The following RPS6KC1 variants were observed in gnomAD, a reference collection of about 807,000 sequenced individuals.
RPS6KC1 encodes ribosomal protein S6 kinase C1.
A neutral mutation model predicts 103.8 loss-of-function variants in RPS6KC1; 54 were observed. That is an observed-to-expected ratio of 0.52 (90% CI 0.42 to 0.65). RPS6KC1 has a LOEUF of 0.65. RPS6KC1 is among the 30% of genes least tolerant of loss of function. RPS6KC1 has a pLI of 0.00. For missense variants in RPS6KC1, 1,151 were observed against 1,253.8 expected (o/e 0.92, Z 1.24); for synonymous variants, 439 against 438.7 (o/e 1.00, Z -0.01).
At chr1:213,673,084 C>G in the RPS6KC1 span, among the ~76,000 whole-genome samples, 1 of 152,172 alleles carries the variant, frequency 6.6e-6, no homozygotes, top group Admixed American at 6.5e-5. Context: ...AGACCTGAAG[C>G]TACTAAGACC....
the RPS6KC1 span, among the ~76,000 whole-genome samples, chr1:213,400,648 TCC>T: frequency 1.3e-5 from 2 of 151,968 alleles, no homozygotes; most frequent in African/African-American, 4.8e-5. Flanking sequence ...GACACCAAGT[TCC>T]CTGTTGTTCT....
At chr1:213,661,139 CT>C in the RPS6KC1 span, among the ~76,000 whole-genome samples, 4,328 of 152,264 alleles carry the variant, frequency 0.028, 103 homozygotes, top group African/African-American at 0.066. Flanking sequence ...AAGCTGCCCC[CT>C]TTTTTTCTAC....
intron 12 of RPS6KC1, among the ~76,000 whole-genome samples, chr1:213,246,466 G>C (rs2094456013): frequency 6.6e-6 from 1 of 152,032 alleles, no homozygotes; most frequent in Admixed American, 6.6e-5. Flanking sequence ...AGGGATTAGA[G>C]AATAAAAACT....
chr1:213,727,314 C>G, the RPS6KC1 span, among the ~76,000 whole-genome samples: 1 of 152,130 alleles, frequency 6.6e-6, no homozygotes, highest in Non-Finnish European at 1.5e-5. Context: ...TGTGCAAATA[C>G]TAAGAAAGTG....
the RPS6KC1 span, among the ~76,000 whole-genome samples, chr1:213,488,926 G>C: frequency 5.3e-5 from 8 of 152,204 alleles, no homozygotes; most frequent in African/African-American, 1.9e-4. Context: ...ATCTTTTGGT[G>C]ATTCATATAA....
chr1:213,436,000 A>G, the RPS6KC1 span, among the ~76,000 whole-genome samples: 1 of 152,156 alleles, frequency 6.6e-6, no homozygotes, highest in African/African-American at 2.4e-5. Context: ...CATTATGCTG[A>G]AGCAGTTGTA....
intron 7 of RPS6KC1, among the ~76,000 whole-genome samples, chr1:213,169,375 T>C (rs534309320): frequency 1.3e-5 from 2 of 152,328 alleles, no homozygotes; most frequent in East Asian, 3.9e-4. Flanking sequence ...CTTATGTTGC[T>C]CTAACATAAT....
chr1:213,638,665 T>A, the RPS6KC1 span, among the ~76,000 whole-genome samples: 1 of 152,118 alleles, frequency 6.6e-6, no homozygotes, highest in South Asian at 2.1e-4. Flanking sequence ...ATTAGATGGG[T>A]AAATTTGTAT....
Position 213,272,526 on chromosome 1 carries a change from C to T in RPS6KC1, c.3093C>T (p.Leu1031=), listed in dbSNP as rs1479515676. 2 of 1,612,866 alleles carry T rather than the reference C, an allele frequency of 1.2e-6. No homozygotes were observed. The highest frequency in any genetic ancestry group is 1.3e-5 in the African/African-American group (1 of 74,902). ...TCACTAAGTCCGTCTTTTTTTAGCT[C>T]TTGCAGTTCAATCCTCTGGAACGAC... The part of the protein sequence containing the change: ...SEEARSLIQQ[L]LQFNPLERLG... The change falls in exon 15 of 15, where the codon CTC becomes CTT. Residue 1031 remains leucine (L), a splice_region_variant and synonymous_variant. Coordinates refer to ENST00000366960, the MANE Select transcript of RPS6KC1 (RefSeq NM_012424.6).
intron 12 of RPS6KC1, among the ~76,000 whole-genome samples, 180 bp from the exon 13 acceptor site, chr1:213,261,378 A>T (rs751498893): frequency 9.9e-5 from 15 of 152,174 alleles, no homozygotes; most frequent in African/African-American, 2.2e-4. Flanking sequence ...CAAAAAAAAA[A>T]ATATATGCAA....
At chr1:213,343,391 G>GTA in the RPS6KC1 span, among the ~76,000 whole-genome samples, 7 of 65,906 alleles carry the variant, frequency 1.1e-4, no homozygotes, top group African/African-American at 3.7e-4. Flanking sequence ...AGTGTTGTGT[G>GTA]TATATATATA....
At chr1:213,703,738 C>A in the RPS6KC1 span, among the ~76,000 whole-genome samples, 1 of 152,232 alleles carries the variant, frequency 6.6e-6, no homozygotes, top group East Asian at 1.9e-4. Context: ...TTTTCTCTTG[C>A]TGCTTTTAGG....
chr1:213,316,700 A>AGTGTGTGTGT, the RPS6KC1 span, among the ~76,000 whole-genome samples: 6 of 144,524 alleles, frequency 4.2e-5, no homozygotes, highest in African/African-American at 1.5e-4. Context: ...TAGGGCATGC[A>AGTGTGTGTGT]GTGTGTGTGT....
At position 213,180,965 on chromosome 1, in the gene RPS6KC1, G is replaced by A. The variant is rs551194934; in HGVS notation, c.1044+4473G>A. Among the ~76,000 whole-genome samples, 26 of 152,240 alleles carry A rather than the reference G, an allele frequency of 1.7e-4. No homozygotes were observed. In the South Asian group the frequency reaches 3.1e-3, roughly 18 times the overall value. ...AGCCCATAGTTTAGTATACAGTAACGTACCAATGTTACTTTCCTGGTTTTG... is the reference window on the plus strand; with the variant it reads ...AGCCCATAGTTTAGTATACAGTAACATACCAATGTTACTTTCCTGGTTTTG... On this transcript the variant is annotated intron_variant, in intron 8 of 14. Coordinates refer to ENST00000366960, the MANE Select transcript of RPS6KC1 (RefSeq NM_012424.6).
the RPS6KC1 span, among the ~76,000 whole-genome samples, chr1:213,829,070 C>T: frequency 6.6e-6 from 1 of 152,054 alleles, no homozygotes; most frequent in Admixed American, 6.6e-5. Context: ...AGATTAACAC[C>T]TTATCATGCT....
chr1:213,299,163 G>A, the RPS6KC1 span, among the ~76,000 whole-genome samples: 2 of 152,176 alleles, frequency 1.3e-5, no homozygotes, highest in African/African-American at 4.8e-5. Flanking sequence ...AGGAAAGCAA[G>A]AGCCGAGTGA....
At chr1:213,257,911 C>T (rs1450357380) in intron 12 of RPS6KC1, among the ~76,000 whole-genome samples, 1 of 143,106 alleles carries the variant, frequency 7.0e-6, no homozygotes, top group African/African-American at 2.6e-5. Context: ...TCAAGTGATC[C>T]TCCTATCTCA....
At chr1:213,566,588 T>TTTGCCTC in the RPS6KC1 span, among the ~76,000 whole-genome samples, 1 of 151,424 alleles carries the variant, frequency 6.6e-6, no homozygotes, top group East Asian at 1.9e-4. Flanking sequence ...TTCACATTTC[T>TTTGCCTC]TTGCCTCTCT....
chr1:213,115,339 A>G (rs868207027), intron 4 of RPS6KC1, among the ~76,000 whole-genome samples: 21 of 152,148 alleles, frequency 1.4e-4, no homozygotes, highest in African/African-American at 3.6e-4. Flanking sequence ...GTTTATTTGC[A>G]TAGAGGTGTC....
Sources: gnomAD v4.1 joint callset for allele counts (sites outside exome capture counted in the v4.1 genomes callset) on GRCh38, gnomAD v4.1.1 for gene constraint, MANE v1.5 for transcripts, NCBI Gene and HGNC (gene_info 2026-07-23, HGNC 2026-07-21) for gene names.